Variants in JPT1 observed in about 807,000 individuals in gnomAD.
JPT1 encodes the protein androgen-regulated protein 2.
In JPT1, 5 loss-of-function variants were observed where a neutral mutation model predicts 17.0. The observed-to-expected ratio is 0.29, with a 90% CI of 0.15 to 0.62. The LOEUF (loss-of-function observed/expected upper bound fraction) is 0.62. Ranked by LOEUF, JPT1 falls within the 20% of genes least tolerant of loss-of-function variation. JPT1 has a pLI of 0.85. For missense variants in JPT1, 158 were observed against 188.1 expected (o/e 0.84, Z 0.94); for synonymous variants, 71 against 73.6 (o/e 0.96, Z 0.18).
intron 3 of JPT1, 132 bp from the exon 4 acceptor site, chr17:75,146,816 G>C: frequency 1.5e-6 from 1 of 653,986 alleles, no homozygotes; most frequent in Non-Finnish European, 2.7e-6. Flanking sequence ...ATCAAGCACA[G>C]GGTCAGTCTG....
chr17:75,140,829 C>T (rs559491815), intron 4 of JPT1, among the ~76,000 whole-genome samples: 36 of 152,276 alleles, frequency 2.4e-4, no homozygotes, highest in African/African-American at 7.9e-4. Flanking sequence ...CGGTGGCTCA[C>T]GCCTGTAATC....
At chr17:75,137,535 T>TA (rs1396917167) in intron 4 of JPT1, among the ~76,000 whole-genome samples, 4 of 150,956 alleles carry the variant, frequency 2.6e-5, no homozygotes, top group Non-Finnish European at 4.4e-5. Context: ...TTTGTTTTTT[T>TA]TTTTTTTTTA....
Position 75,136,038 on chromosome 17 carries a change from C to G in JPT1, c.*64G>C. The G allele has an allele frequency of 1.2e-6, 2 of 1,613,990 alleles. No individual in the cohort carries two copies. The highest frequency in any genetic ancestry group is 1.7e-6 in the Non-Finnish European group (2 of 1,179,970). Reference sequence around the variant, plus strand: ...AATCCAAGAGATGTACAGTCAGGCTCAAGTTGTGCAGTTCACAAGCATGGA... The same window carrying G: ...AATCCAAGAGATGTACAGTCAGGCTGAAGTTGTGCAGTTCACAAGCATGGA... On this transcript the variant is annotated 3_prime_UTR_variant, in exon 5 of 5. Transcript: ENST00000409753.
intron 4 of JPT1, among the ~76,000 whole-genome samples, chr17:75,137,386 T>G (rs564979783): frequency 1.3e-5 from 2 of 152,182 alleles, no homozygotes; most frequent in South Asian, 4.2e-4. Context: ...AGACAGGGTC[T>G]CACTCTGTGG....
intron 4 of JPT1, among the ~76,000 whole-genome samples, chr17:75,141,814 C>T (rs1259680302): frequency 1.3e-5 from 2 of 150,928 alleles, no homozygotes; most frequent in African/African-American, 4.9e-5. Context: ...TGGCTCATGC[C>T]TCCCAGCGCT....
chr17:75,153,292 G>C (rs1304489353), intron 1 of JPT1: 2 of 152,188 alleles, frequency 1.3e-5, no homozygotes, highest in African/African-American at 4.8e-5. Context: ...CACCAAGTAA[G>C]TTAAGCAAGG....
At position 75,150,783 on chromosome 17, in the gene JPT1, G is replaced by A. The variant is rs961017649; in HGVS notation, c.57-2112C>T. On this transcript the variant is annotated intron_variant, in intron 1 of 4. Transcript: ENST00000409753. Reference sequence around the variant, plus strand: ...TAACTACTGATTCAATTCCTTTACTGGTGATATGAGTGGTCTGGTTTTGTT... The same window carrying A: ...TAACTACTGATTCAATTCCTTTACTAGTGATATGAGTGGTCTGGTTTTGTT... Among the ~76,000 whole-genome samples, 45 of 151,582 alleles carry A rather than the reference G, an allele frequency of 3.0e-4. 3 individuals carry two copies. Among genetic ancestry groups the A allele is most frequent in the Admixed American group, 2.8e-3 (42 of 15,208 alleles).
intron 4 of JPT1, chr17:75,141,257 G>A (rs989394134): frequency 2.6e-5 from 4 of 152,238 alleles, no homozygotes; most frequent in Non-Finnish European, 5.9e-5. Context: ...GCAACAGTGA[G>A]AACCTGTCTC....
At chr17:75,144,846 G>A (rs78625720) in intron 4 of JPT1, among the ~76,000 whole-genome samples, 2,658 of 150,460 alleles carry the variant, frequency 0.018, 30 homozygotes, top group Non-Finnish European at 0.028. Flanking sequence ...CACAGGTGTC[G>A]TCTTCTGTGT....
At chr17:75,146,450 G>A in intron 4 of JPT1, 1 of 474,406 alleles carries the variant, frequency 2.1e-6, no homozygotes, top group Non-Finnish European at 3.8e-6. Flanking sequence ...ACCATGCCCA[G>A]CCAATATATG....
intron 4 of JPT1, among the ~76,000 whole-genome samples, chr17:75,140,311 T>C (rs868016539): frequency 6.6e-6 from 1 of 152,184 alleles, no homozygotes; most frequent in African/African-American, 2.4e-5. Flanking sequence ...AAATTATTTC[T>C]ACCAAAATAT....
At chr17:75,136,931 T>G (rs1052085581) in intron 4 of JPT1, among the ~76,000 whole-genome samples, 1 of 152,246 alleles carries the variant, frequency 6.6e-6, no homozygotes, top group Non-Finnish European at 1.5e-5. Flanking sequence ...GTTTTATGTA[T>G]ATTTACATGT....
At chr17:75,151,301 A>G (rs1315537823) in intron 1 of JPT1, among the ~76,000 whole-genome samples, 3 of 151,972 alleles carry the variant, frequency 2.0e-5, no homozygotes, top group Non-Finnish European at 4.4e-5. Flanking sequence ...ACACCACTGC[A>G]CTCTAGCCTG....
At chr17:75,146,739 A>G (rs956045607) in intron 3 of JPT1, 55 bp from the exon 4 acceptor site, 3 of 1,096,654 alleles carry the variant, frequency 2.7e-6, no homozygotes, top group South Asian at 2.7e-5. Context: ...TGGAACACGC[A>G]AAACAGTCAT....
At chr17:75,145,061 G>C (rs1389306823) in intron 4 of JPT1, among the ~76,000 whole-genome samples, 1 of 151,082 alleles carries the variant, frequency 6.6e-6, no homozygotes, top group Non-Finnish European at 1.5e-5. Flanking sequence ...CTATTCAGGA[G>C]GCTGAGCCAG....
Position 75,136,211 on chromosome 17 carries a change from C to G in JPT1, c.356G>C (p.Ser119Thr), listed in dbSNP as rs748048595. 35 of 1,611,716 alleles carry G rather than the reference C, an allele frequency of 2.2e-5. No individual in the cohort carries two copies. In the South Asian group the frequency reaches 2.5e-4, roughly 12 times the overall value. Residue 119 changes from serine (S) to threonine (T), a missense_variant, in exon 5 of 5, where the codon AGT becomes ACT. Physicochemically the swap from Ser to Thr is moderately conservative, Grantham distance 58 (BLOSUM62 1). Coordinates refer to ENST00000409753, the MANE Select transcript of JPT1 (RefSeq NM_016185.4). ...CGCAGCAGGCACGGGCTTCTCTTCA[C>G]TCTGCCCCAGGCTGCCTGGCAAGTC... is the stretch of plus-strand genomic sequence containing the variant. ...DTDLPGSLGQ[S>T]EEKPVPAAPV...
At position 75,148,672 on chromosome 17, in the gene JPT1, C is replaced by G. The variant is rs1422925140; in HGVS notation, c.57-1G>C. 1 of 1,613,584 alleles carries G rather than the reference C, an allele frequency of 6.2e-7. No individual in the cohort carries two copies. The highest frequency in any genetic ancestry group is 2.2e-5 in the East Asian group (1 of 44,900). On this transcript the variant is annotated splice_acceptor_variant, in intron 1 of 4. Coordinates refer to ENST00000409753, the MANE Select transcript of JPT1 (RefSeq NM_016185.4). LOFTEE classifies it high-confidence loss of function. ...TCCACCACCTGGAGGCCGCAAAACTCTGCAAATAATGGCAAAACATCAACT... is the reference window on the plus strand; with the variant it reads ...TCCACCACCTGGAGGCCGCAAAACTGTGCAAATAATGGCAAAACATCAACT...
At chr17:75,150,515 G>A (rs1007965481) in intron 1 of JPT1, among the ~76,000 whole-genome samples, 19 of 152,068 alleles carry the variant, frequency 1.2e-4, no homozygotes, top group Non-Finnish European at 2.6e-4. Flanking sequence ...GCCTCCCAAA[G>A]TGCTGGGATT....
At position 75,147,348 on chromosome 17, in the gene JPT1, C is replaced by A. The variant is rs536163168; in HGVS notation, c.297+208G>T. ...AATCAATAGGGGAGATAAAACAAAT[C>A]CTAATGGTAAAAGAGATACAGAAAC... On this transcript the variant is annotated intron_variant, in intron 3 of 4. Transcript: ENST00000409753. Among the ~76,000 whole-genome samples, 10 of 152,248 alleles carry A rather than the reference C, an allele frequency of 6.6e-5. No individual in the cohort carries two copies. The Middle Eastern group carries it at 0.017, about 259-fold the overall frequency.
Sources: allele counts gnomAD v4.1 joint callset (sites outside exome capture counted in the v4.1 genomes callset), GRCh38; gene constraint gnomAD v4.1.1; transcripts MANE v1.5; gene names NCBI Gene and HGNC (gene_info 2026-07-23, HGNC 2026-07-21).